Variants in PDE4D observed in about 807,000 individuals in gnomAD.
PDE4D encodes the protein phosphodiesterase 4D.
In PDE4D, 24 loss-of-function variants were observed where a neutral mutation model predicts 87.4. The ratio of observed to expected loss-of-function variants is 0.27; its 90% CI spans 0.20 to 0.39. The LOEUF is 0.39. Among genes scored for constraint, PDE4D ranks in the 10% least tolerant of loss-of-function variants. PDE4D has a pLI of 1.00. For missense variants in PDE4D, 714 were observed against 1,041.0 expected (o/e 0.69, Z 4.32); for synonymous variants, 384 against 383.2 (o/e 1.00, Z -0.02).
chr5:59,588,394 T>C (rs1201044428), intron 1 of PDE4D, among the ~76,000 whole-genome samples: 4 of 152,198 alleles, frequency 2.6e-5, no homozygotes, highest in Non-Finnish European at 5.9e-5. Context: ...AGTGGGAGAA[T>C]GGACTTTGCA....
intron 1 of PDE4D, among the ~76,000 whole-genome samples, chr5:59,785,176 A>G (rs1216511463): frequency 2.0e-5 from 3 of 152,236 alleles, no homozygotes; most frequent in Non-Finnish European, 4.4e-5. Context: ...TCATGTACAA[A>G]TAGTTTATAA....
chr5:60,068,218 G>T (rs905104267), intron 2 of PDE4D, among the ~76,000 whole-genome samples: 1 of 151,998 alleles, frequency 6.6e-6, no homozygotes, highest in Non-Finnish European at 1.5e-5. Context: ...GTACATCCTC[G>T]TCAACACTTG....
intron 1 of PDE4D, chr5:59,587,414 C>T: frequency 1.0e-6 from 1 of 980,634 alleles, no homozygotes; most frequent in Non-Finnish European, 1.2e-6. Context: ...GATGCTCTGA[C>T]ATCTTCTGAA....
chr5:59,930,929 G>C (rs1444118623), intron 3 of PDE4D, among the ~76,000 whole-genome samples: 1 of 152,050 alleles, frequency 6.6e-6, no homozygotes, highest in African/African-American at 2.4e-5. Context: ...GTAATTTTAG[G>C]CTTCAAGCTA....
At position 59,893,421 on chromosome 5, in the gene PDE4D, G is replaced by T; in HGVS notation, c.202C>A (p.Gln68Lys). 1 of 1,475,886 alleles carries T rather than the reference G, an allele frequency of 6.8e-7. No homozygotes were observed. Among genetic ancestry groups the T allele is most frequent in the Non-Finnish European group, 9.0e-7 (1 of 1,109,606 alleles). The allele number at this position is 1,475,886 out of a possible 1,614,324, so 91.4% of individuals were successfully genotyped here. ...GGCGGCTGTAGCGGACACTGGGGCT[G>T]GGGCTGGGGCGAGGGTGGCGGCGGC... ...PPPPPPSPQP[Q>K]PQCPLQPPPP... is the part of the protein sequence containing the mutation. Residue 68 changes from glutamine to lysine, a missense_variant, in exon 1 of 15, where the codon CAG (glutamine) becomes AAG (lysine). Gln to Lys is a moderately conservative substitution (Grantham distance 53). Transcript: ENST00000340635.
At chr5:60,028,276 C>T (rs1301282038) in intron 2 of PDE4D, among the ~76,000 whole-genome samples, 2 of 152,148 alleles carry the variant, frequency 1.3e-5, no homozygotes, top group Admixed American at 1.3e-4. Context: ...TTGGGGGCCC[C>T]AAGATTTATT....
chr5:60,388,738 G>A (rs1309708773), intron 1 of PDE4D, among the ~76,000 whole-genome samples: 1 of 152,208 alleles, frequency 6.6e-6, no homozygotes, highest in Non-Finnish European at 1.5e-5. Flanking sequence ...ACAGGAGAAG[G>A]TTAGAGGGAA....
At chr5:60,303,617 G>A (rs529398634) in intron 1 of PDE4D, among the ~76,000 whole-genome samples, 1 of 152,094 alleles carries the variant, frequency 6.6e-6, no homozygotes, top group East Asian at 1.9e-4. Flanking sequence ...TCTATGTCTG[G>A]ATTTCTTAAT....
At chr5:59,148,995 T>G (rs1779084461) in intron 5 of PDE4D, among the ~76,000 whole-genome samples, 1 of 152,064 alleles carries the variant, frequency 6.6e-6, no homozygotes, top group African/African-American at 2.4e-5. Flanking sequence ...AGGATAGGAA[T>G]AGGAGATGCC....
intron 1 of PDE4D, among the ~76,000 whole-genome samples, chr5:59,244,443 T>A (rs1274034122): frequency 1.6e-5 from 2 of 126,226 alleles, no homozygotes; most frequent in Admixed American, 1.7e-4. Flanking sequence ...AATATATGTA[T>A]ACACACACAT....
chr5:59,172,027 AAATATATAT>A lies in PDE4D; in HGVS notation c.808+8559_808+8567del. Among the ~76,000 whole-genome samples the A allele has an allele frequency of 4.4e-4, 4 of 9,150 alleles. 1 individual carries two copies. The highest frequency in any genetic ancestry group is 3.1e-3 in the African/African-American group (4 of 1,284). 6.0% of individuals were successfully genotyped at this position (9,150 alleles called of 152,430 possible). A position where few individuals can be genotyped will look rare whatever the true frequency, so the allele number is the denominator to read the frequency against. On this transcript the variant is annotated intron_variant, in intron 5 of 14. Coordinates refer to ENST00000340635, the MANE Select transcript of PDE4D (RefSeq NM_001104631.2). ...AATAAATATATATTATATATATAAT[AAATATATAT>A]TATATATATAATATATATATATTAT... is the stretch of plus-strand genomic sequence containing the variant.
intron 1 of PDE4D, among the ~76,000 whole-genome samples, chr5:59,424,166 G>T (rs1794881464): frequency 6.6e-6 from 1 of 152,096 alleles, no homozygotes; most frequent in Non-Finnish European, 1.5e-5. Flanking sequence ...GGTAATTTTT[G>T]TTTCAAATCT....
At chr5:59,843,854 T>C (rs1377263323) in intron 1 of PDE4D, among the ~76,000 whole-genome samples, 1 of 152,088 alleles carries the variant, frequency 6.6e-6, no homozygotes, top group Admixed American at 6.6e-5. Flanking sequence ...CTACTTGCAA[T>C]TGAGACCTGT....
At chr5:60,450,155 A>T (rs1169224852) in intron 1 of PDE4D, among the ~76,000 whole-genome samples, 1 of 152,020 alleles carries the variant, frequency 6.6e-6, no homozygotes, top group East Asian at 1.9e-4. Flanking sequence ...GAAAGAGACA[A>T]ATAAAATAAA....
chr5:59,556,130 A>C (rs1256010679), intron 1 of PDE4D, among the ~76,000 whole-genome samples: 1 of 152,178 alleles, frequency 6.6e-6, no homozygotes, highest in Non-Finnish European at 1.5e-5. Flanking sequence ...AGTGTAAAAA[A>C]GCTATGTCAT....
chr5:60,147,839 GTCT>G (rs1192091378), intron 2 of PDE4D: 1 of 451,936 alleles, frequency 2.2e-6, no homozygotes, highest in Admixed American at 2.4e-5. Flanking sequence ...CTGCTTGAGT[GTCT>G]TTGTGAGTTG....
At chr5:59,666,777 T>G (rs1746142083) in intron 1 of PDE4D, among the ~76,000 whole-genome samples, 1 of 152,250 alleles carries the variant, frequency 6.6e-6, no homozygotes, top group African/African-American at 2.4e-5. Context: ...TCCTGACTTC[T>G]GAATTCCAAG....
At chr5:59,539,646 C>T (rs952798284) in intron 1 of PDE4D, among the ~76,000 whole-genome samples, 1 of 152,080 alleles carries the variant, frequency 6.6e-6, no homozygotes, top group African/African-American at 2.4e-5. Flanking sequence ...GAAGTTATTC[C>T]ATAAGATATA....
chr5:59,894,037 C>T (rs891133612), upstream of PDE4D, among the ~76,000 whole-genome samples: 8 of 152,162 alleles, frequency 5.3e-5, no homozygotes, highest in Non-Finnish European at 1.5e-5. Context: ...GCAGTGGTAG[C>T]CGCCTCCAGG....
Sources: gnomAD v4.1 joint callset for allele counts (sites outside exome capture counted in the v4.1 genomes callset) on GRCh38, gnomAD v4.1.1 for gene constraint, MANE v1.5 for transcripts, NCBI Gene and HGNC (gene_info 2026-07-23, HGNC 2026-07-21) for gene names.